Variants in FGF12 observed in about 807,000 individuals in gnomAD.
FGF12 encodes fibroblast growth factor 12B.
Under a neutral mutation model 23.6 loss-of-function variants are expected in FGF12, and 14 were observed. The observed-to-expected ratio is 0.59, with a 90% confidence interval of 0.39 to 0.93. The LOEUF is 0.93. Ranked by LOEUF, FGF12 falls within the 40% of genes least tolerant of loss-of-function variation. The pLI is 0.00. For synonymous variants in FGF12, 62 were observed against 77.3 expected, an observed-to-expected ratio of 0.80 and a Z score of 1.04; for missense variants, 175 against 217.8, an observed-to-expected ratio of 0.80 and a Z score of 1.24.
chr3:192,618,988 A>T (rs916966228), intron 2 of FGF12, among the ~76,000 whole-genome samples: 4 of 151,690 alleles, frequency 2.6e-5, no homozygotes, highest in African/African-American at 4.8e-5. Context: ...GCCTATAAAA[A>T]ATATATATAT....
chr3:192,454,788 A>G (rs772952981), intron 2 of FGF12, among the ~76,000 whole-genome samples: 1 of 152,220 alleles, frequency 6.6e-6, no homozygotes. Flanking sequence ...CTGAGGAGAA[A>G]AAGGTGTCAC....
chr3:192,613,483 T>C (rs774383408), intron 2 of FGF12, among the ~76,000 whole-genome samples: 2 of 151,916 alleles, frequency 1.3e-5, no homozygotes, highest in Non-Finnish European at 2.9e-5. Context: ...TTTACCTTTA[T>C]CTGAATAGAT....
At chr3:192,649,724 A>ATT (rs3044628) in intron 2 of FGF12, among the ~76,000 whole-genome samples, 84,742 of 148,930 alleles carry the variant, frequency 0.57, 24,371 homozygotes, top group East Asian at 0.67. Context: ...TGCCTGGCTA[A>ATT]TTTTTTTTTT....
intron 2 of FGF12, among the ~76,000 whole-genome samples, chr3:192,462,449 T>A (rs1722892184): frequency 6.6e-6 from 1 of 152,174 alleles, no homozygotes; most frequent in South Asian, 2.1e-4. Context: ...CCTGGCCATG[T>A]GATACCCTTT....
chr3:192,586,518 T>G (rs938062430), intron 2 of FGF12, among the ~76,000 whole-genome samples: 1 of 152,264 alleles, frequency 6.6e-6, no homozygotes, highest in African/African-American at 2.4e-5. Flanking sequence ...CTATTGTTAT[T>G]GATCTTAATA....
rs550629193 is a variant in FGF12, at chr3:192,196,128, T to C, written c.229-25472A>G. 3.9e-5 allele frequency among the ~76,000 whole-genome samples: 6 copies of C among 152,316 alleles called. No individual in the cohort carries two copies. In the East Asian group the frequency reaches 1.2e-3, roughly 29 times the overall value. ...AATGTGGTATTTGTTTTTCTGTGTC[T>C]AGCTTATGTCACATAATATAATATC... On this transcript the variant is annotated intron_variant, in intron 4 of 5. Transcript: ENST00000445105.
intron 2 of FGF12, among the ~76,000 whole-genome samples, chr3:192,489,126 T>C (rs561378672): frequency 5.9e-5 from 9 of 152,242 alleles, no homozygotes; most frequent in African/African-American, 2.2e-4. Context: ...ATGTAACTGA[T>C]GACTTGCTGG....
At chr3:192,389,840 C>T (rs1720218184) in intron 2 of FGF12, among the ~76,000 whole-genome samples, 1 of 152,142 alleles carries the variant, frequency 6.6e-6, no homozygotes, top group South Asian at 2.1e-4. Context: ...CTGACTAAGA[C>T]CATCATCCAT....
chr3:192,194,710 C>A (rs1250711711), intron 4 of FGF12, among the ~76,000 whole-genome samples: 1 of 152,038 alleles, frequency 6.6e-6, no homozygotes, highest in African/African-American at 2.4e-5. Flanking sequence ...GTTTAAAAAC[C>A]AATACTATCT....
At chr3:192,619,337 T>C (rs909733298) in intron 2 of FGF12, among the ~76,000 whole-genome samples, 1 of 151,854 alleles carries the variant, frequency 6.6e-6, no homozygotes, top group East Asian at 1.9e-4. Context: ...AAAGCATATA[T>C]GAAAAGCAAA....
intron 4 of FGF12, among the ~76,000 whole-genome samples, chr3:192,176,649 T>C (rs1227665322): frequency 6.6e-6 from 1 of 152,208 alleles, no homozygotes; most frequent in East Asian, 1.9e-4. Flanking sequence ...GCAATAATTC[T>C]CACATTAAAA....
chr3:192,294,634 A>G (rs1714932905), intron 4 of FGF12, among the ~76,000 whole-genome samples: 1 of 152,200 alleles, frequency 6.6e-6, no homozygotes, highest in African/African-American at 2.4e-5. Context: ...ATTGTATAGA[A>G]AGGCATCACA....
intron 4 of FGF12, among the ~76,000 whole-genome samples, chr3:192,174,201 C>A (rs191010306): frequency 6.6e-6 from 1 of 152,140 alleles, no homozygotes; most frequent in Non-Finnish European, 1.5e-5. Flanking sequence ...TAATAAATAA[C>A]GATTCTTAGG....
chr3:192,583,321 G>A (rs1193030628), intron 2 of FGF12, among the ~76,000 whole-genome samples: 3 of 152,140 alleles, frequency 2.0e-5, no homozygotes, highest in Non-Finnish European at 4.4e-5. Context: ...ATCGTTTAAT[G>A]ATATTATTGC....
intron 4 of FGF12, among the ~76,000 whole-genome samples, chr3:192,279,169 A>C (rs949505920): frequency 1.3e-5 from 2 of 150,958 alleles, no homozygotes; most frequent in Non-Finnish European, 2.9e-5. Flanking sequence ...AGGACAGTTA[A>C]AGAAAATGAT....
chr3:192,306,293 C>T (rs759875140), intron 4 of FGF12, among the ~76,000 whole-genome samples: 8 of 152,066 alleles, frequency 5.3e-5, no homozygotes, highest in South Asian at 4.1e-4. Context: ...CCATTATGGA[C>T]GCTCTAAGCC....
chr3:192,378,030 CT>C (rs1366066122), intron 2 of FGF12, among the ~76,000 whole-genome samples: 1 of 59,536 alleles, frequency 1.7e-5, no homozygotes, highest in Non-Finnish European at 2.9e-5. Flanking sequence ...TCTTTCTTTT[CT>C]TTCTTTCTTT....
intron 2 of FGF12, among the ~76,000 whole-genome samples, chr3:192,706,238 T>C (rs1019432482): frequency 1.3e-5 from 2 of 152,200 alleles, no homozygotes; most frequent in African/African-American, 4.8e-5. Flanking sequence ...AGACTTATGA[T>C]TTAATAATCT....
chr3:192,215,923 C>G (rs751025898), intron 4 of FGF12, among the ~76,000 whole-genome samples: 21 of 152,172 alleles, frequency 1.4e-4, no homozygotes, highest in Non-Finnish European at 2.9e-4. Context: ...CTTCACTTTG[C>G]TGCCCTCCTC....
Sources: gnomAD v4.1 joint callset for allele counts (sites outside exome capture counted in the v4.1 genomes callset) on GRCh38, gnomAD v4.1.1 for gene constraint, MANE v1.5 for transcripts, NCBI Gene and HGNC (gene_info 2026-07-23, HGNC 2026-07-21) for gene names.